The following RORA variants were observed in gnomAD, a reference collection of about 807,000 sequenced individuals.
The protein encoded by RORA is nuclear receptor ROR-alpha.
RORA carries 7 observed loss-of-function variants against 69.5 expected under a neutral mutation model. That is an observed-to-expected ratio of 0.10 (90% CI 0.06 to 0.19). The LOEUF is 0.19. Among genes scored for constraint, RORA ranks in the 10% least tolerant of loss-of-function variants. RORA has a pLI of 1.00. For missense variants in RORA, 457 were observed against 663.0 expected, an observed-to-expected ratio of 0.69 and a Z score of 3.41; for synonymous variants, 261 against 240.8, an observed-to-expected ratio of 1.08 and a Z score of -0.78.
At chr15:60,882,318 G>T (rs2073690141) in intron 1 of RORA, among the ~76,000 whole-genome samples, 1 of 152,180 alleles carries the variant, frequency 6.6e-6, no homozygotes. Flanking sequence ...AGGGGAGTAT[G>T]CACTGACCTC....
chr15:60,727,063 G>A (rs2071367786), intron 1 of RORA, among the ~76,000 whole-genome samples: 1 of 152,178 alleles, frequency 6.6e-6, no homozygotes, highest in African/African-American at 2.4e-5. Flanking sequence ...CAGGTTTGCT[G>A]GTTTTTGTCC....
At chr15:61,144,109 T>C (rs1292551407) in intron 1 of RORA, among the ~76,000 whole-genome samples, 1 of 152,146 alleles carries the variant, frequency 6.6e-6, no homozygotes, top group African/African-American at 2.4e-5. Flanking sequence ...AGGGTTATTG[T>C]CCTCTACTGG....
chr15:60,938,770 T>C (rs1238918228), intron 1 of RORA, among the ~76,000 whole-genome samples: 1 of 152,096 alleles, frequency 6.6e-6, no homozygotes, highest in Admixed American at 6.5e-5. Context: ...AAAATAAAAA[T>C]GATAATTGGT....
At chr15:61,200,624 G>A (rs2079886795) in intron 1 of RORA, among the ~76,000 whole-genome samples, 1 of 152,186 alleles carries the variant, frequency 6.6e-6, no homozygotes, top group South Asian at 2.1e-4. Flanking sequence ...GTTCACAATT[G>A]TGGCACCTTG....
At chr15:60,766,561 G>A (rs764014709) in intron 1 of RORA, among the ~76,000 whole-genome samples, 6 of 152,094 alleles carry the variant, frequency 3.9e-5, no homozygotes, top group Admixed American at 2.6e-4. Context: ...AAGCATCAAA[G>A]TTCCCTGTAT....
At chr15:60,978,235 G>A (rs1282343561) in intron 1 of RORA, among the ~76,000 whole-genome samples, 1 of 152,098 alleles carries the variant, frequency 6.6e-6, no homozygotes, top group Middle Eastern at 3.2e-3. Flanking sequence ...CTGTGGTTTT[G>A]ATTTGCATTT....
chr15:61,142,347 T>G (rs553045601), intron 1 of RORA, among the ~76,000 whole-genome samples: 1 of 152,128 alleles, frequency 6.6e-6, no homozygotes, highest in Non-Finnish European at 1.5e-5. Context: ...AATAAGACAG[T>G]CCAATCTTGA....
Position 60,886,584 on chromosome 15 carries a change from C to T in RORA, c.167-207898G>A, listed in dbSNP as rs1323298659. Among the ~76,000 whole-genome samples, 9 of 152,322 alleles carry T rather than the reference C, an allele frequency of 5.9e-5. No individual in the cohort carries two copies. In the East Asian group the frequency reaches 1.7e-3, roughly 29 times the overall value. ...CAGTGACAACCATGGATTTCAATTCCTCCTGCAAAATATGTCAACCCATTT... is the reference window on the plus strand; with the variant it reads ...CAGTGACAACCATGGATTTCAATTCTTCCTGCAAAATATGTCAACCCATTT... On this transcript the variant is annotated intron_variant, in intron 1 of 10. Transcript: ENST00000335670.
Position 61,229,132 on chromosome 15 carries a change from G to C in RORA, c.87C>G (p.Thr29=). 1 of 1,542,964 alleles carries C rather than the reference G, an allele frequency of 6.5e-7. No individual in the cohort carries two copies. Among genetic ancestry groups the C allele is most frequent in the Non-Finnish European group, 8.7e-7 (1 of 1,144,948 alleles). ...GADAAAGSRE[T]PLNQESARKS... is the part of the protein sequence containing the mutation. ...TGCGGGCGGATTCCTGGTTCAGCGG[G>C]GTCTCCCTGGAGCCGGCGGCCGCGT... Residue 29 remains threonine, a synonymous_variant, in exon 1 of 11, where the codon ACC becomes ACG. Transcript: ENST00000335670.
chr15:60,868,186 T>C (rs1234805), intron 1 of RORA, among the ~76,000 whole-genome samples: 96,047 of 152,094 alleles, frequency 0.63, 31,494 homozygotes, highest in East Asian at 0.91. Context: ...TTACACCTTA[T>C]AGAGAAGCAG....
At chr15:60,847,043 G>T (rs564681906) in intron 1 of RORA, among the ~76,000 whole-genome samples, 7 of 152,210 alleles carry the variant, frequency 4.6e-5, no homozygotes, top group African/African-American at 1.7e-4. Context: ...AGAGAGCATG[G>T]GTATAGCTTA....
chr15:60,843,265 C>T (rs7171659), intron 1 of RORA, among the ~76,000 whole-genome samples: 2,542 of 152,284 alleles, frequency 0.017, 26 homozygotes, highest in South Asian at 0.037. Context: ...CAGTCTCCTG[C>T]ACTCTAACTT....
At chr15:60,632,550 T>C (rs1009038403) in intron 2 of RORA, among the ~76,000 whole-genome samples, 1 of 152,212 alleles carries the variant, frequency 6.6e-6, no homozygotes, top group Admixed American at 6.5e-5. Flanking sequence ...AGGGCATACT[T>C]TTATTCATTG....
At chr15:60,697,171 G>A (rs898014504) in intron 1 of RORA, among the ~76,000 whole-genome samples, 1 of 152,138 alleles carries the variant, frequency 6.6e-6, no homozygotes, top group Non-Finnish European at 1.5e-5. Flanking sequence ...AAGCTTTCAT[G>A]AACTAAAAGC....
At chr15:61,082,274 A>T (rs1191861825) in intron 1 of RORA, among the ~76,000 whole-genome samples, 1 of 152,202 alleles carries the variant, frequency 6.6e-6, no homozygotes, top group Non-Finnish European at 1.5e-5. Context: ...GAATCACCTG[A>T]GGTCAGGAGT....
intron 1 of RORA, among the ~76,000 whole-genome samples, chr15:61,137,478 C>T (rs1379149542): frequency 2.6e-5 from 4 of 152,190 alleles, no homozygotes; most frequent in Admixed American, 2.6e-4. Flanking sequence ...ACACTTATCC[C>T]CATTTGTAAA....
chr15:60,836,965 T>C (rs1595755014), intron 1 of RORA, among the ~76,000 whole-genome samples: 1 of 152,118 alleles, frequency 6.6e-6, no homozygotes, highest in Non-Finnish European at 1.5e-5. Context: ...ACCAGGGCCT[T>C]TCCCTGTTGA....
At chr15:60,536,495 T>C (rs2066684003) in intron 2 of RORA, among the ~76,000 whole-genome samples, 1 of 152,240 alleles carries the variant, frequency 6.6e-6, no homozygotes, top group Admixed American at 6.5e-5. Flanking sequence ...GCTGCTTAAC[T>C]GTTTGCCACA....
Position 60,499,934 on chromosome 15 carries a change from G to A in RORA, c.1365C>T (p.His455=), listed in dbSNP as rs199865260. 8.1e-6 allele frequency: 13 copies of A among 1,612,232 alleles called. No homozygotes were observed. The highest frequency in any genetic ancestry group is 2.2e-5 in the East Asian group (1 of 44,804). ...CTTCTCGGTGATTCTTCTGTAGGAC[G>A]TGTTGAAGAGCTAGCTGAATTTTCT... is the stretch of plus-strand genomic sequence containing the variant. ...LQQKIQLALQ[H]VLQKNHREDG... The change falls in exon 10 of 11, where the codon CAC becomes CAT. Residue 455 remains histidine (H), a synonymous_variant. Coordinates refer to ENST00000335670, the MANE Select transcript of RORA (RefSeq NM_134261.3).
Sources: allele counts gnomAD v4.1 joint callset (sites outside exome capture counted in the v4.1 genomes callset), GRCh38; gene constraint gnomAD v4.1.1; transcripts MANE v1.5; gene names NCBI Gene and HGNC (gene_info 2026-07-23, HGNC 2026-07-21).